The following GRIN2B variants were observed in gnomAD, a reference collection of about 807,000 sequenced individuals.
GRIN2B encodes glutamate receptor ionotropic, NMDA 2B.
Under a neutral mutation model 114.5 loss-of-function variants are expected in GRIN2B, and 5 were observed. The observed-to-expected ratio is 0.04, with a 90% confidence interval of 0.02 to 0.09. The LOEUF (loss-of-function observed/expected upper bound fraction) is 0.09. Ranked by LOEUF, GRIN2B falls within the 10% of genes least tolerant of loss-of-function variation. GRIN2B has a pLI of 1.00. For synonymous variants in GRIN2B, 787 were observed against 745.1 expected, an observed-to-expected ratio of 1.06 and a Z score of -0.92; for missense variants, 1,108 against 1,943.5, an observed-to-expected ratio of 0.57 and a Z score of 8.08.
intron 4 of GRIN2B, among the ~76,000 whole-genome samples, chr12:13,704,402 C>A (rs1950340406): frequency 6.6e-6 from 1 of 152,182 alleles, no homozygotes; most frequent in African/African-American, 2.4e-5. Flanking sequence ...CTTGAACATG[C>A]ATTTTACCCA....
At chr12:13,623,123 CACTT>C (rs1225393276) in intron 5 of GRIN2B, among the ~76,000 whole-genome samples, 5 of 152,146 alleles carry the variant, frequency 3.3e-5, no homozygotes, top group Non-Finnish European at 7.3e-5. Flanking sequence ...ATTTCTCTAC[CACTT>C]ACTTTTCCCA....
intron 4 of GRIN2B, among the ~76,000 whole-genome samples, chr12:13,730,453 A>C (rs1863069742): frequency 6.6e-6 from 1 of 152,180 alleles, no homozygotes; most frequent in South Asian, 2.1e-4. Flanking sequence ...TTTAACGAGC[A>C]CAAATACAGT....
intron 5 of GRIN2B, among the ~76,000 whole-genome samples, chr12:13,652,834 C>T (rs551998498): frequency 2.0e-4 from 30 of 152,218 alleles, no homozygotes; most frequent in South Asian, 6.2e-4. Context: ...AGAAAGAAGA[C>T]GGTGGAAAAA....
chr12:13,771,197 G>A (rs34850566), intron 3 of GRIN2B, among the ~76,000 whole-genome samples: 23,686 of 152,064 alleles, frequency 0.16, 2,414 homozygotes, highest in Middle Eastern at 0.32. Context: ...AAGTCATCTC[G>A]TCTACTGCAA....
intron 4 of GRIN2B, among the ~76,000 whole-genome samples, chr12:13,696,644 A>G (rs146283186): frequency 7.2e-5 from 11 of 152,322 alleles, no homozygotes; most frequent in Non-Finnish European, 1.3e-4. Flanking sequence ...TGATACTTCA[A>G]TGAACTCATA....
intron 10 of GRIN2B, among the ~76,000 whole-genome samples, chr12:13,594,803 G>A (rs1949052739): frequency 1.3e-5 from 2 of 152,076 alleles, no homozygotes; most frequent in African/African-American, 2.4e-5. Flanking sequence ...ATTGGATAAC[G>A]TGTGATTTCA....
chr12:13,942,280 C>T (rs4764041), intron 2 of GRIN2B, among the ~76,000 whole-genome samples: 16,621 of 152,000 alleles, frequency 0.11, 1,772 homozygotes, highest in East Asian at 0.41. Context: ...GCAAGAACCC[C>T]CTTTTTCTGT....
chr12:13,871,721 CAA>C (rs60305175), intron 2 of GRIN2B, among the ~76,000 whole-genome samples: 8 of 122,738 alleles, frequency 6.5e-5, no homozygotes, highest in Non-Finnish European at 7.2e-5. Context: ...CAAGATGAAT[CAA>C]AAAAAAAAAG....
chr12:13,811,600 A>C (rs1864732295), intron 3 of GRIN2B, among the ~76,000 whole-genome samples: 1 of 152,204 alleles, frequency 6.6e-6, no homozygotes, highest in Non-Finnish European at 1.5e-5. Context: ...AAATATGGTC[A>C]CTATTGCCAC....
intron 2 of GRIN2B, among the ~76,000 whole-genome samples, chr12:13,939,554 T>TC (rs1867198553): frequency 1.4e-5 from 2 of 148,094 alleles, no homozygotes; most frequent in African/African-American, 5.0e-5. Context: ...TTTTTTTTTT[T>TC]TTTTTTTTTT....
At chr12:13,794,927 T>C (rs1864391884) in intron 3 of GRIN2B, among the ~76,000 whole-genome samples, 1 of 152,178 alleles carries the variant, frequency 6.6e-6, no homozygotes, top group Non-Finnish European at 1.5e-5. Flanking sequence ...CACTTTTCTA[T>C]TGCCAGCAAG....
chr12:13,966,202 G>A lies in GRIN2B; in HGVS notation c.-19+13726C>T, dbSNP rs542520927. ...GTTCATGCCCAGAATTCCTCCTGGT[G>A]AGTTCTTGGGAAGACCAAATAATGT... On this transcript the variant is annotated intron_variant, in intron 2 of 13. Transcript: ENST00000609686. Among the ~76,000 whole-genome samples, 5 of 152,316 alleles carry A rather than the reference G, an allele frequency of 3.3e-5. No homozygotes were observed. In the East Asian group the frequency reaches 7.7e-4, roughly 23 times the overall value.
intron 3 of GRIN2B, among the ~76,000 whole-genome samples, chr12:13,766,168 C>T (rs773481725): frequency 2.6e-5 from 4 of 152,112 alleles, no homozygotes; most frequent in East Asian, 1.9e-4. Context: ...TTATTAAATG[C>T]TTATCAGGTG....
intron 10 of GRIN2B, among the ~76,000 whole-genome samples, chr12:13,599,765 T>C (rs1193282480): frequency 1.3e-5 from 2 of 152,194 alleles, no homozygotes; most frequent in Admixed American, 6.5e-5. Context: ...AGGCTGTAAA[T>C]AGATTTGAAA....
At chr12:13,864,172 A>G (rs1327381796) in intron 3 of GRIN2B, among the ~76,000 whole-genome samples, 1 of 152,162 alleles carries the variant, frequency 6.6e-6, no homozygotes, top group African/African-American at 2.4e-5. Flanking sequence ...TGTTTCTCAT[A>G]TGATACTGGA....
intron 3 of GRIN2B, among the ~76,000 whole-genome samples, chr12:13,784,092 C>T (rs1864174779): frequency 1.3e-5 from 2 of 151,758 alleles, no homozygotes; most frequent in Non-Finnish European, 2.9e-5. Context: ...GGCATGGTGG[C>T]AGGCACCTGT....
Position 13,880,896 on chromosome 12 carries a change from G to T in GRIN2B, c.-18-14670C>A, listed in dbSNP as rs114689349. On this transcript the variant is annotated intron_variant, in intron 2 of 13. Transcript: ENST00000609686. ...GTGTTCACTCTCATGCTGTGCAAAGGTTGTTCCACAGCCTATTTGAGACCT... is the reference window on the plus strand; with the variant it reads ...GTGTTCACTCTCATGCTGTGCAAAGTTTGTTCCACAGCCTATTTGAGACCT... 7.9e-3 allele frequency among the ~76,000 whole-genome samples: 1,196 copies of T among 152,202 alleles called. 17 individuals are homozygous for T. The highest frequency in any genetic ancestry group is 0.027 in the African/African-American group (1,111 of 41,520).
chr12:13,908,416 C>T (rs1201719537), intron 2 of GRIN2B, among the ~76,000 whole-genome samples: 1 of 152,006 alleles, frequency 6.6e-6, no homozygotes, highest in Non-Finnish European at 1.5e-5. Flanking sequence ...CTAACCATAA[C>T]AATTCATGAG....
chr12:13,821,032 CAA>C (rs1384833564), intron 3 of GRIN2B, among the ~76,000 whole-genome samples: 2 of 152,040 alleles, frequency 1.3e-5, no homozygotes, highest in Admixed American at 1.3e-4. Context: ...TGCTACCGTA[CAA>C]AGTTTGCCCC....
Sources: allele counts gnomAD v4.1 joint callset (sites outside exome capture counted in the v4.1 genomes callset), GRCh38; gene constraint gnomAD v4.1.1; transcripts MANE v1.5; gene names NCBI Gene and HGNC (gene_info 2026-07-23, HGNC 2026-07-21).